USP25: variants seen among roughly 807,000 people sequenced by gnomAD.
The protein encoded by USP25 is ubiquitin specific peptidase 25, also known as ubiquitin carboxyl-terminal hydrolase 25.
USP25 carries 85 observed loss-of-function variants against 158.5 expected under a neutral mutation model. The ratio of observed to expected loss-of-function variants is 0.54; its 90% confidence interval spans 0.45 to 0.64. The LOEUF is 0.64. Ranked by LOEUF, USP25 falls within the 30% of genes least tolerant of loss-of-function variation. USP25 has a pLI of 0.00. For missense variants in USP25, 1,242 were observed against 1,327.3 expected (o/e 0.94, Z 1.00); for synonymous variants, 464 against 460.4 (o/e 1.01, Z -0.10).
At chr21:15,792,929 G>A (rs1255690941) in intron 5 of USP25, among the ~76,000 whole-genome samples, 2 of 151,450 alleles carry the variant, frequency 1.3e-5, no homozygotes, top group Admixed American at 6.6e-5. Context: ...TTGATTATAC[G>A]TTGTTTACTT....
At chr21:15,857,094 A>G (rs963125632) in intron 20 of USP25, among the ~76,000 whole-genome samples, 4 of 152,234 alleles carry the variant, frequency 2.6e-5, no homozygotes, top group African/African-American at 9.6e-5. Context: ...TCCTAACATT[A>G]TCATTTAATA....
intron 20 of USP25, among the ~76,000 whole-genome samples, chr21:15,853,086 A>G (rs2038961442): frequency 1.3e-5 from 2 of 152,206 alleles, no homozygotes; most frequent in South Asian, 4.1e-4. Context: ...GCCCTATTGT[A>G]ACCATTCTTA....
chr21:15,828,192 A>G (rs2037621738), intron 14 of USP25, among the ~76,000 whole-genome samples: 1 of 152,238 alleles, frequency 6.6e-6, no homozygotes, highest in South Asian at 2.1e-4. Context: ...GACTAACAGC[A>G]TTAGTAGCTG....
chr21:15,846,108 G>A (rs1484246274), intron 18 of USP25, among the ~76,000 whole-genome samples: 5 of 72,046 alleles, frequency 6.9e-5, no homozygotes, highest in Non-Finnish European at 1.2e-4. Flanking sequence ...TTTGATATAT[G>A]TGTGTGTGTG....
In USP25 at chr21:15,808,770, A is replaced by T. The variant is rs757970901; in HGVS notation, c.781-39A>T. ...TTACAACATCTAGTATTTTTTTTTT[A>T]GTAGGCTCAAATATCAACAGGCTTT... On this transcript the variant is annotated intron_variant, in intron 7 of 25. Transcript: ENST00000400183. 1.4e-5 allele frequency: 20 copies of T among 1,481,244 alleles called. No homozygotes were observed. In the South Asian group the frequency reaches 2.3e-4, roughly 17 times the overall value. 91.8% of individuals were successfully genotyped at this position (1,481,244 alleles called of 1,614,324 possible). A position where few individuals can be genotyped will look rare whatever the true frequency, so the allele number is the denominator to read the frequency against.
intron 9 of USP25, among the ~76,000 whole-genome samples, chr21:15,813,423 C>T (rs960723605): frequency 1.3e-5 from 2 of 152,166 alleles, no homozygotes; most frequent in African/African-American, 4.8e-5. Flanking sequence ...ACAACATTCC[C>T]AAATATATGA....
intron 16 of USP25, 120 bp from the exon 17 acceptor site, chr21:15,833,228 T>C (rs2037898989): frequency 2.2e-6 from 2 of 908,340 alleles, no homozygotes; most frequent in South Asian, 1.9e-5. Flanking sequence ...TTAAGTAATA[T>C]GATTGGCTGA....
chr21:15,838,313 A>C (rs2038159521), intron 17 of USP25, among the ~76,000 whole-genome samples: 1 of 152,074 alleles, frequency 6.6e-6, no homozygotes, highest in Non-Finnish European at 1.5e-5. Context: ...TCTGTTAATA[A>C]GTTCATTCCC....
chr21:15,860,474 C>A (rs1353447345), intron 20 of USP25, among the ~76,000 whole-genome samples: 1 of 152,110 alleles, frequency 6.6e-6, no homozygotes, highest in Non-Finnish European at 1.5e-5. Context: ...TTTTGACTAA[C>A]AGCCCAATAG....
At chr21:15,833,747 T>C (rs1183476622) in intron 17 of USP25, among the ~76,000 whole-genome samples, 199 bp downstream of exon 17, 1 of 152,208 alleles carries the variant, frequency 6.6e-6, no homozygotes, top group African/African-American at 2.4e-5. Context: ...TTTATATGTT[T>C]TTCAAGATAA....
rs75727826 is a variant in USP25 at position 15,851,429 on chromosome 21, G to C, written c.2547+1557G>C. On this transcript the variant is annotated intron_variant, in intron 20 of 25. Transcript: ENST00000400183. The stretch of plus-strand genomic sequence containing the variant: ...ATTACCTGTTGAATTTGCTTCTGTG[G>C]AATATGAATGATGAGCTCTCTTTCT... Among the ~76,000 whole-genome samples the C allele has an allele frequency of 3.7e-4, 56 of 151,740 alleles. 3 individuals carry two copies. In the East Asian group the frequency reaches 0.011, roughly 29 times the overall value.
intron 4 of USP25, among the ~76,000 whole-genome samples, chr21:15,782,564 A>G (rs953078819): frequency 1.9e-4 from 29 of 152,216 alleles, no homozygotes; most frequent in African/African-American, 6.3e-4. Flanking sequence ...CTTGGTGCCA[A>G]CTCCAGAAAA....
At chr21:15,866,981 GAT>G (rs933989417) in intron 22 of USP25, among the ~76,000 whole-genome samples, 5 of 152,080 alleles carry the variant, frequency 3.3e-5, no homozygotes, top group African/African-American at 1.2e-4. Flanking sequence ...TGATTCATCA[GAT>G]ATATTTTGGG....
rs1188512626 is a variant in USP25, at chr21:15,766,167, T to A, written c.268+26T>A. On this transcript the variant is annotated intron_variant, in intron 3 of 25. Coordinates refer to ENST00000400183, the MANE Select transcript of USP25 (RefSeq NM_001283041.3). This position sits in a 1 kb window ranked among gnomAD's most constrained non-coding sequence, Gnocchi z 4.0. ...GTAAGTTTTCTTTCTTTTCTTATTA[T>A]TTTAATAGAAACATACTGAAAAACT... 4 of 1,572,672 alleles carry A rather than the reference T, an allele frequency of 2.5e-6. No homozygotes were observed. Among genetic ancestry groups the A allele is most frequent in the Non-Finnish European group, 3.4e-6 (4 of 1,167,390 alleles).
rs1372127729 is a variant in USP25 at position 15,791,585 on chromosome 21, A to G, written c.476A>G (p.Tyr159Cys). The change falls in exon 5 of 26, where the codon TAT becomes TGT. Residue 159 changes from tyrosine (Y) to cysteine (C), a missense_variant. Tyr to Cys is a radical substitution (Grantham distance 194). This residue lies in a region of USP25 where 627 missense variants were observed against 701.4 expected (regional missense o/e 0.89). Coordinates refer to ENST00000400183, the MANE Select transcript of USP25 (RefSeq NM_001283041.3). Reference protein sequence around the residue: ...TEVWRDSRNPYDRKRQDKAPV... With the variant: ...TEVWRDSRNPCDRKRQDKAPV... ...GTTTGGAGGGATTCTCGAAACCCTTATGATAGAAAAAGACAGGACAAAGCT... is the reference window on the plus strand; with the variant it reads ...GTTTGGAGGGATTCTCGAAACCCTTGTGATAGAAAAAGACAGGACAAAGCT... 2.5e-6 allele frequency: 4 copies of G among 1,611,980 alleles called. No individual in the cohort carries two copies. Among genetic ancestry groups the G allele is most frequent in the South Asian group, 2.2e-5 (2 of 90,958 alleles).
At chr21:15,782,585 C>T (rs908108060) in intron 4 of USP25, among the ~76,000 whole-genome samples, 1 of 152,166 alleles carries the variant, frequency 6.6e-6, no homozygotes, top group African/African-American at 2.4e-5. Context: ...ACCATGCCAC[C>T]ACAGTCATGG....
At chr21:15,812,611 A>T (rs2036724045) in intron 9 of USP25, among the ~76,000 whole-genome samples, 1 of 151,920 alleles carries the variant, frequency 6.6e-6, no homozygotes, top group Non-Finnish European at 1.5e-5. Context: ...AGATCGGGCC[A>T]CTGCACTCCA....
At chr21:15,848,620 G>A (rs746055721) in intron 19 of USP25, among the ~76,000 whole-genome samples, 1 of 152,030 alleles carries the variant, frequency 6.6e-6, no homozygotes, top group Non-Finnish European at 1.5e-5. Flanking sequence ...TTGCATTTAT[G>A]TTAAGTTTTT....
chr21:15,791,775 A>G (rs2035603447), intron 5 of USP25, 111 bp downstream of exon 5: 6 of 1,163,252 alleles, frequency 5.2e-6, no homozygotes, highest in Non-Finnish European at 7.0e-6. Context: ...TAAGTTTTTA[A>G]TATACTATTT....
Sources: allele counts gnomAD v4.1 joint callset (sites outside exome capture counted in the v4.1 genomes callset), GRCh38; gene constraint gnomAD v4.1.1; regional missense constraint gnomAD v4.1.1; non-coding constraint Gnocchi (gnomAD v3.1); transcripts MANE v1.5; gene names NCBI Gene and HGNC (gene_info 2026-07-23, HGNC 2026-07-21).